The following PAMR1 variants were observed in gnomAD, a reference collection of about 807,000 sequenced individuals.
PAMR1 encodes the protein peptidase domain containing associated with muscle regeneration 1, also known as inactive serine protease PAMR1.
A neutral mutation model predicts 81.8 loss-of-function variants in PAMR1; 88 were observed. The ratio of observed to expected loss-of-function variants is 1.08; its 90% CI spans 0.91 to 1.28. PAMR1 has a LOEUF of 1.28. Among genes scored for constraint, PAMR1 ranks in the 50% most tolerant of loss-of-function variants. The probability of loss-of-function intolerance (pLI) is 0.00; values close to 1 mark genes in which losing one functional copy is unlikely to be tolerated. For synonymous variants in PAMR1, 336 were observed against 345.3 expected (o/e 0.97, Z 0.30); for missense variants, 935 against 919.7 (o/e 1.02, Z -0.21).
chr11:35,448,009 C>T (rs542047159), intron 6 of PAMR1, among the ~76,000 whole-genome samples: 28 of 152,312 alleles, frequency 1.8e-4, no homozygotes, highest in Middle Eastern at 3.4e-3. Context: ...CCTGAGATAT[C>T]GACTGTTAGT....
At chr11:35,455,186 T>C (rs1034714594) in intron 6 of PAMR1, among the ~76,000 whole-genome samples, 2 of 152,242 alleles carry the variant, frequency 1.3e-5, no homozygotes, top group Non-Finnish European at 2.9e-5. Context: ...ATAAATTCTA[T>C]AGGAAGTGGA....
intron 6 of PAMR1, among the ~76,000 whole-genome samples, chr11:35,458,752 GA>G (rs1362132722): frequency 6.6e-6 from 1 of 152,202 alleles, no homozygotes; most frequent in East Asian, 1.9e-4. Flanking sequence ...GTTCTGTTTA[GA>G]AAAGGCATTA....
chr11:35,485,788 A>G (rs1306317151), intron 3 of PAMR1, among the ~76,000 whole-genome samples: 1 of 87,274 alleles, frequency 1.1e-5, no homozygotes, highest in Admixed American at 1.2e-4. Flanking sequence ...AAGGCTCTGT[A>G]TGGTACTCAG....
chr11:35,450,256 C>T lies in PAMR1; in HGVS notation c.821-8563G>A, dbSNP rs115092510. ...AAGGCTGCAACAATTAGCCAAATCA[C>T]CGGTTTGTCCACTCTAAGACCGTCC... is the stretch of plus-strand genomic sequence containing the variant. On this transcript the variant is annotated intron_variant, in intron 6 of 10. Transcript: ENST00000619888. Among the ~76,000 whole-genome samples, 1,133 of 151,940 alleles carry T rather than the reference C, an allele frequency of 7.5e-3. 17 individuals carry two copies. The highest frequency in any genetic ancestry group is 0.026 in the African/African-American group (1,086 of 41,412).
At chr11:35,475,258 C>T (rs1211994261) in intron 3 of PAMR1, among the ~76,000 whole-genome samples, 1 of 152,148 alleles carries the variant, frequency 6.6e-6, no homozygotes, top group Admixed American at 6.5e-5. Context: ...GTAATAAATG[C>T]CTCTTTAATG....
intron 1 of PAMR1, among the ~76,000 whole-genome samples, chr11:35,520,080 A>T (rs1851243614): frequency 6.6e-6 from 1 of 152,210 alleles, no homozygotes; most frequent in Non-Finnish European, 1.5e-5. Context: ...TGTTTACCAC[A>T]AACTCAATAA....
chr11:35,486,152 G>A (rs621363), intron 3 of PAMR1, among the ~76,000 whole-genome samples: 130,430 of 152,254 alleles, frequency 0.86, 56,225 homozygotes, highest in African/African-American at 0.94. Context: ...AACTCATTGC[G>A]GAATCATTGT....
chr11:35,489,077 T>C lies in PAMR1; in HGVS notation c.379+2968A>G, dbSNP rs527300094. 1.3e-4 allele frequency among the ~76,000 whole-genome samples: 20 copies of C among 152,270 alleles called. No homozygotes were observed. In the East Asian group the frequency reaches 3.9e-3, roughly 29 times the overall value. The stretch of plus-strand genomic sequence containing the variant: ...TCCTGGTTTTCTCTTCCTTTCCTTT[T>C]ACATCTGTTGCTATTTCCTCTGCCC... On this transcript the variant is annotated intron_variant, in intron 3 of 10. Transcript: ENST00000619888.
intron 6 of PAMR1, among the ~76,000 whole-genome samples, chr11:35,456,330 G>A (rs1356333): frequency 0.02 from 3,033 of 152,234 alleles, 53 homozygotes; most frequent in Middle Eastern, 0.054. Context: ...GACTGTAGTC[G>A]GATTGTAGCA....
intron 2 of PAMR1, 91 bp from the exon 3 acceptor site, chr11:35,492,264 C>T (rs1850646445): frequency 7.2e-7 from 1 of 1,389,562 alleles, no homozygotes; most frequent in Admixed American, 1.8e-5. Context: ...TTCTCAGGGC[C>T]CTGTCTCAAC....
At chr11:35,496,284 A>C (rs1344934783) in intron 1 of PAMR1, among the ~76,000 whole-genome samples, 1 of 152,238 alleles carries the variant, frequency 6.6e-6, no homozygotes, top group Non-Finnish European at 1.5e-5. Flanking sequence ...TCAAAATTAA[A>C]AATGTTTGTG....
At chr11:35,507,035 C>T (rs1417677314) in intron 1 of PAMR1, among the ~76,000 whole-genome samples, 1 of 118,010 alleles carries the variant, frequency 8.5e-6, no homozygotes, top group African/African-American at 3.6e-5. Context: ...TTCAAATAGC[C>T]TGACTTTTTT....
At chr11:35,444,926 T>A (rs1477370836) in intron 6 of PAMR1, among the ~76,000 whole-genome samples, 3 of 152,244 alleles carry the variant, frequency 2.0e-5, no homozygotes, top group Non-Finnish European at 4.4e-5. Flanking sequence ...TAAATTACTT[T>A]GGGCAGTATG....
upstream of PAMR1, chr11:35,525,837 C>G: frequency 1.8e-6 from 1 of 552,598 alleles, no homozygotes; most frequent in Non-Finnish European, 3.2e-6. Flanking sequence ...GCCTGGAGAC[C>G]CGCGGACGGC....
At chr11:35,451,888 C>T in intron 6 of PAMR1, 1 of 705,970 alleles carries the variant, frequency 1.4e-6, no homozygotes, top group Non-Finnish European at 2.6e-6. Flanking sequence ...AAGCCCTCAC[C>T]AGACAATGAA....
At chr11:35,461,662 T>C (rs1856658114) in intron 6 of PAMR1, among the ~76,000 whole-genome samples, 2 of 151,888 alleles carry the variant, frequency 1.3e-5, no homozygotes, top group Non-Finnish European at 2.9e-5. Context: ...TTGGTAACTA[T>C]AAAAGGGCAG....
chr11:35,466,726 CAAAAA>C lies in PAMR1; in HGVS notation c.820+1270_820+1274del, dbSNP rs71044519. Among the ~76,000 whole-genome samples the C allele has an allele frequency of 4.7e-5, 3 of 63,948 alleles. No homozygotes were observed. The Admixed American group carries it at 5.8e-4, about 12-fold the overall frequency. The allele number at this position is 63,948 out of a possible 152,430, so 42.0% of individuals were successfully genotyped here. A position where few individuals can be genotyped will look rare whatever the true frequency, so the allele number is the denominator to read the frequency against. On this transcript the variant is annotated intron_variant, in intron 6 of 10. Coordinates refer to ENST00000619888, the MANE Select transcript of PAMR1 (RefSeq NM_001001991.3). ...TGGGCGACAGAGAGAGGCTCTATCT[CAAAAA>C]AAAAAAAAAAAAAAAAGGAAAACAT...
intron 8 of PAMR1, among the ~76,000 whole-genome samples, chr11:35,437,803 C>T (rs970567191): frequency 6.6e-6 from 1 of 152,190 alleles, no homozygotes; most frequent in Non-Finnish European, 1.5e-5. Context: ...TTGGGAAGAA[C>T]AGGTTGATCC....
upstream of PAMR1, among the ~76,000 whole-genome samples, chr11:35,529,236 T>G (rs1278660473): frequency 6.6e-6 from 1 of 152,234 alleles, no homozygotes; most frequent in Non-Finnish European, 1.5e-5. Context: ...AATTTTTGCA[T>G]GCAGGTTTTT....
Sources: gnomAD v4.1 joint callset for allele counts (sites outside exome capture counted in the v4.1 genomes callset) on GRCh38, gnomAD v4.1.1 for gene constraint, MANE v1.5 for transcripts, NCBI Gene and HGNC (gene_info 2026-07-23, HGNC 2026-07-21) for gene names.